WDR70: variants seen among roughly 807,000 people sequenced by gnomAD.
WDR70 encodes the protein WD repeat domain 70, also known as WD repeat-containing protein 70.
In WDR70, 53 loss-of-function variants were observed where a neutral mutation model predicts 88.6. That is an observed-to-expected ratio of 0.60 (90% CI 0.48 to 0.75). WDR70 has a LOEUF of 0.75. Among genes scored for constraint, WDR70 ranks in the 30% least tolerant of loss-of-function variants. The pLI is 0.00. For missense variants in WDR70, 610 were observed against 823.2 expected, an observed-to-expected ratio of 0.74 and a Z score of 3.17; for synonymous variants, 280 against 270.0, an observed-to-expected ratio of 1.04 and a Z score of -0.36.
intron 8 of WDR70, among the ~76,000 whole-genome samples, chr5:37,510,594 TG>T (rs1740695969): frequency 6.6e-6 from 1 of 152,154 alleles, no homozygotes; most frequent in Non-Finnish European, 1.5e-5. Flanking sequence ...TTACCATGCC[TG>T]GTGGATAGCC....
chr5:37,590,765 C>T (rs1561914092), intron 9 of WDR70, among the ~76,000 whole-genome samples: 1 of 152,072 alleles, frequency 6.6e-6, no homozygotes, highest in South Asian at 2.1e-4. Flanking sequence ...CCCAGTTCCT[C>T]TAGAGGAAGT....
chr5:37,496,262 C>T (rs1207482300), intron 8 of WDR70, among the ~76,000 whole-genome samples: 1 of 152,194 alleles, frequency 6.6e-6, no homozygotes, highest in Non-Finnish European at 1.5e-5. Context: ...CTGCTAGGGT[C>T]CCCTTCCACC....
intron 10 of WDR70, among the ~76,000 whole-genome samples, chr5:37,605,846 A>G (rs1174610813): frequency 2.0e-5 from 3 of 152,236 alleles, no homozygotes; most frequent in African/African-American, 7.2e-5. Flanking sequence ...GTCAATTACC[A>G]ATAAGCTGTA....
chr5:37,609,751 T>A (rs1397559224), intron 10 of WDR70, among the ~76,000 whole-genome samples: 1 of 152,160 alleles, frequency 6.6e-6, no homozygotes, highest in Non-Finnish European at 1.5e-5. Context: ...AGCCGCAAGA[T>A]TTCCCCAGCT....
intron 10 of WDR70, among the ~76,000 whole-genome samples, chr5:37,662,940 A>G (rs1019807889): frequency 3.3e-5 from 5 of 152,192 alleles, no homozygotes; most frequent in Non-Finnish European, 7.3e-5. Context: ...GAGACTATGA[A>G]TTACAGTGTA....
chr5:37,693,105 A>G lies in WDR70; in HGVS notation c.1093-4550A>G, dbSNP rs56334262. 1.8e-4 allele frequency among the ~76,000 whole-genome samples: 27 copies of G among 152,334 alleles called. No homozygotes were observed. In the East Asian group the frequency reaches 5.2e-3, roughly 29 times the overall value. On this transcript the variant is annotated intron_variant, in intron 10 of 17. Transcript: ENST00000265107. The stretch of plus-strand genomic sequence containing the variant: ...ACAGCCAAATCATGAGTGAACTCCC[A>G]TTCACAATTGCTACAAAGAGAATAA...
chr5:37,730,461 G>C (rs1433987984), intron 17 of WDR70, among the ~76,000 whole-genome samples: 5 of 149,232 alleles, frequency 3.4e-5, no homozygotes, highest in Non-Finnish European at 7.4e-5. Context: ...TTTTTTTTTG[G>C]CTTTGCTTCT....
At chr5:37,428,518 A>G (rs1047774798) in intron 5 of WDR70, among the ~76,000 whole-genome samples, 2 of 152,248 alleles carry the variant, frequency 1.3e-5, no homozygotes, top group Non-Finnish European at 2.9e-5. Context: ...ATAAATGGAA[A>G]CACTGTACAA....
intron 9 of WDR70, among the ~76,000 whole-genome samples, chr5:37,566,820 C>A (rs1172404051): frequency 6.6e-6 from 1 of 152,118 alleles, no homozygotes; most frequent in Non-Finnish European, 1.5e-5. Context: ...TTGACATTTG[C>A]ACTTGGACCA....
At position 37,558,495 on chromosome 5, in the gene WDR70, A is replaced by T. The variant is rs7703697; in HGVS notation, c.917+41905A>T. On this transcript the variant is annotated intron_variant, in intron 9 of 17. Transcript: ENST00000265107. ...CACCTTCCTGGTTAATTAAAAAAAAATTTTTTTTTTTTTAGAGATAGGGTT... is the reference window on the plus strand; with the variant it reads ...CACCTTCCTGGTTAATTAAAAAAAATTTTTTTTTTTTTTAGAGATAGGGTT... Among the ~76,000 whole-genome samples, 346 of 145,384 alleles carry T rather than the reference A, an allele frequency of 2.4e-3. 3 individuals are homozygous for T. The highest frequency in any genetic ancestry group is 6.7e-3 in the African/African-American group (269 of 39,986).
chr5:37,427,748 G>C (rs10941330), intron 5 of WDR70, among the ~76,000 whole-genome samples: 38,258 of 151,968 alleles, frequency 0.25, 5,925 homozygotes, highest in Non-Finnish European at 0.33. Flanking sequence ...ATAGCTGGGC[G>C]TGGTGGCGCG....
At chr5:37,553,911 A>C (rs1742219110) in intron 9 of WDR70, among the ~76,000 whole-genome samples, 3 of 152,174 alleles carry the variant, frequency 2.0e-5, no homozygotes. Flanking sequence ...TAAAGTGCTA[A>C]GAATAGTGTC....
chr5:37,488,687 C>T (rs552171160), intron 8 of WDR70, among the ~76,000 whole-genome samples: 1 of 151,836 alleles, frequency 6.6e-6, no homozygotes, highest in South Asian at 2.1e-4. Flanking sequence ...CATTCATATC[C>T]CAAATTGTTT....
chr5:37,694,940 G>A (rs1221075130), intron 10 of WDR70, among the ~76,000 whole-genome samples: 1 of 152,054 alleles, frequency 6.6e-6, no homozygotes, highest in Non-Finnish European at 1.5e-5. Flanking sequence ...TAAAATCTAA[G>A]CTCCTTAACA....
rs1028083753 is a variant in WDR70 at position 37,708,654 on chromosome 5, C to T, written c.1416+5567C>T. 3.3e-5 allele frequency among the ~76,000 whole-genome samples: 5 copies of T among 152,028 alleles called. No homozygotes were observed. In the South Asian group the frequency reaches 1.0e-3, roughly 31 times the overall value. On this transcript the variant is annotated intron_variant, in intron 13 of 17. Coordinates refer to ENST00000265107, the MANE Select transcript of WDR70 (RefSeq NM_018034.4). The stretch of plus-strand genomic sequence containing the variant: ...CATGAAATAATAGACCCTTTATGAA[C>T]CTAGCTATTTATCTTAATTTATAAT...
At chr5:37,684,215 A>G (rs1358239985) in intron 10 of WDR70, among the ~76,000 whole-genome samples, 4 of 151,868 alleles carry the variant, frequency 2.6e-5, no homozygotes, top group African/African-American at 4.8e-5. Flanking sequence ...TGTGATTCTT[A>G]GTTTATTTGG....
chr5:37,727,002 G>C lies in WDR70; in HGVS notation c.1834G>C (p.Ala612Pro). 1 of 1,610,990 alleles carries C rather than the reference G, an allele frequency of 6.2e-7. No individual in the cohort carries two copies. The highest frequency in any genetic ancestry group is 8.5e-7 in the Non-Finnish European group (1 of 1,178,674). ...GGAAGCCATTTTGCGTCATGCCAAA[G>C]CAGCAGAAGACAGCCCATATTGGGT... Reference protein sequence around the residue: ...PREAILRHAKAAEDSPYWVSP... With the variant: ...PREAILRHAKPAEDSPYWVSP... Residue 612 changes from alanine (A) to proline (P), a missense_variant, in exon 17 of 18, where the codon GCA becomes CCA. Physicochemically the swap from Ala to Pro is conservative, Grantham distance 27. This residue lies in a region of WDR70 where 70 missense variants were observed against 139.2 expected (regional missense o/e 0.50). Coordinates refer to ENST00000265107, the MANE Select transcript of WDR70 (RefSeq NM_018034.4).
chr5:37,740,765 A>G (rs1367803567), intron 17 of WDR70, among the ~76,000 whole-genome samples: 1 of 152,190 alleles, frequency 6.6e-6, no homozygotes, highest in Admixed American at 6.5e-5. Context: ...ATATTTTCCC[A>G]TAGTTGGAGG....
At position 37,387,540 on chromosome 5, in the gene WDR70, T is replaced by A. The variant is rs1362834934; in HGVS notation, c.176-4460T>A. Among the ~76,000 whole-genome samples the A allele has an allele frequency of 2.0e-5, 3 of 152,172 alleles. No homozygotes were observed. In the East Asian group the frequency reaches 5.8e-4, roughly 29 times the overall value. ...CTGATCTAAACACATGAATCTAAAT[T>A]GATTATCTCTTTGAAAGATCTACTT... On this transcript the variant is annotated intron_variant, in intron 3 of 17. Transcript: ENST00000265107.
Sources: gnomAD v4.1 joint callset for allele counts (sites outside exome capture counted in the v4.1 genomes callset) on GRCh38, gnomAD v4.1.1 for gene constraint, gnomAD v4.1.1 regional missense constraint, MANE v1.5 for transcripts, NCBI Gene and HGNC (gene_info 2026-07-23, HGNC 2026-07-21) for gene names.